The following FBXO15 variants were observed in gnomAD, a reference collection of about 807,000 sequenced individuals.
FBXO15 encodes the protein F-box protein 15.
A neutral mutation model predicts 49.5 loss-of-function variants in FBXO15; 30 were observed. That is an observed-to-expected ratio of 0.61 (90% CI 0.45 to 0.82). FBXO15 has a LOEUF of 0.82. FBXO15 is among the 40% of genes least tolerant of loss of function. The probability of loss-of-function intolerance (pLI) is 0.00; values close to 1 mark genes in which losing one functional copy is unlikely to be tolerated. For synonymous variants in FBXO15, 250 were observed against 232.7 expected (o/e 1.07, Z -0.68); for missense variants, 591 against 631.5 (o/e 0.94, Z 0.69).
chr18:74,101,533 T>C (rs761209067), intron 8 of FBXO15, among the ~76,000 whole-genome samples: 1 of 152,120 alleles, frequency 6.6e-6, no homozygotes, highest in Non-Finnish European at 1.5e-5. Flanking sequence ...AAAATGACCA[T>C]ATTGCCAAAA....
chr18:74,141,674 C>T (rs563045746), intron 1 of FBXO15, among the ~76,000 whole-genome samples: 7 of 152,324 alleles, frequency 4.6e-5, no homozygotes, highest in Admixed American at 1.3e-4. Flanking sequence ...CCACACACAA[C>T]TGGTCTTAAC....
chr18:74,084,148 A>T (rs901447433), intron 8 of FBXO15, among the ~76,000 whole-genome samples: 20 of 152,230 alleles, frequency 1.3e-4, no homozygotes, highest in African/African-American at 4.8e-4. Flanking sequence ...GCAGATTCAG[A>T]TTCTCATGTT....
chr18:74,118,213 G>A (rs1231437945), intron 8 of FBXO15, among the ~76,000 whole-genome samples: 1 of 151,832 alleles, frequency 6.6e-6, no homozygotes, highest in African/African-American at 2.4e-5. Context: ...TGCCCAGGCT[G>A]GTCTGGAACT....
Position 74,085,609 on chromosome 18 carries a change from G to T in FBXO15, c.1139-3558C>A, listed in dbSNP as rs1912703958. Among the ~76,000 whole-genome samples the T allele has an allele frequency of 3.3e-5, 5 of 152,238 alleles. No individual in the cohort carries two copies. The South Asian group carries it at 1.0e-3, about 32-fold the overall frequency. On this transcript the variant is annotated intron_variant, in intron 8 of 9. Transcript: ENST00000419743. ...CTCCGTCTCAAAACAACAAAAAAAA[G>T]ACACACAGATCAATAAAATGGAATA...
chr18:74,125,208 G>A (rs1001939126), intron 6 of FBXO15, among the ~76,000 whole-genome samples: 1 of 152,188 alleles, frequency 6.6e-6, no homozygotes, highest in Non-Finnish European at 1.5e-5. Context: ...TCACAACTCT[G>A]CAACCAACAA....
intron 8 of FBXO15, among the ~76,000 whole-genome samples, chr18:74,101,363 T>A (rs1019363236): frequency 2.6e-5 from 4 of 152,090 alleles, no homozygotes; most frequent in Non-Finnish European, 5.9e-5. Flanking sequence ...AGCATGGCTT[T>A]ATGATTAGAG....
chr18:74,130,802 G>T, intron 3 of FBXO15, 144 bp from the exon 4 acceptor site: 2 of 880,044 alleles, frequency 2.3e-6, no homozygotes, highest in Non-Finnish European at 1.7e-6. Flanking sequence ...ACGTTCATCT[G>T]TTAAAGTGAA....
intron 8 of FBXO15, among the ~76,000 whole-genome samples, chr18:74,095,772 C>T (rs1172207380): frequency 6.6e-6 from 1 of 152,176 alleles, no homozygotes; most frequent in Non-Finnish European, 1.5e-5. Context: ...GTGCCACAAA[C>T]TTTGAAGCTG....
intron 8 of FBXO15, among the ~76,000 whole-genome samples, chr18:74,109,473 T>A (rs558112515): frequency 6.6e-6 from 1 of 152,286 alleles, no homozygotes; most frequent in Non-Finnish European, 1.5e-5. Context: ...GCAATCCCAT[T>A]ACTGGGTATA....
intron 8 of FBXO15, among the ~76,000 whole-genome samples, chr18:74,090,649 A>G (rs1392859971): frequency 6.6e-6 from 1 of 152,160 alleles, no homozygotes; most frequent in Non-Finnish European, 1.5e-5. Flanking sequence ...TTCTGCCTCA[A>G]TCATTTCCCA....
chr18:74,135,915 T>A (rs1437349728), intron 2 of FBXO15, 49 bp from the exon 3 acceptor site: 1 of 1,470,614 alleles, frequency 6.8e-7, no homozygotes, highest in Admixed American at 1.9e-5. Context: ...GGACCAGGGC[T>A]TAATCTGCAG....
intron 2 of FBXO15, among the ~76,000 whole-genome samples, chr18:74,139,727 T>C (rs1262195963): frequency 6.6e-6 from 1 of 152,212 alleles, no homozygotes; most frequent in Non-Finnish European, 1.5e-5. Flanking sequence ...ACAGTACAAA[T>C]CTATGGACTT....
rs1438282903 is a variant in FBXO15, at chr18:74,073,489, AT to A, written c.1504del (p.Ile502SerfsTer20). The A allele has an allele frequency of 1.3e-5, 21 of 1,614,002 alleles. No homozygotes were observed. The highest frequency in any genetic ancestry group is 1.7e-5 in the Non-Finnish European group (20 of 1,180,016). ...ATATTCAGTCCCAAACCAATGGTTG[AT>A]TTTTGCGATACTAAGATAAAGGACC... ...NLVLYLSIAK[I>X]NHWFGTEY is the part of the protein sequence containing the mutation. On this transcript the variant is annotated frameshift_variant, in exon 10 of 10. Coordinates refer to ENST00000419743, the MANE Select transcript of FBXO15 (RefSeq NM_001142958.2). LOFTEE classifies it high-confidence loss of function.
chr18:74,091,248 G>A (rs1158129928), intron 8 of FBXO15, among the ~76,000 whole-genome samples: 1 of 152,102 alleles, frequency 6.6e-6, no homozygotes, highest in Non-Finnish European at 1.5e-5. Context: ...TTGCTTGGTA[G>A]ATTTTTCTCA....
intron 8 of FBXO15, among the ~76,000 whole-genome samples, chr18:74,094,106 C>T (rs1325253589): frequency 6.6e-6 from 1 of 152,180 alleles, no homozygotes; most frequent in Admixed American, 6.5e-5. Context: ...TCTTGCATGA[C>T]TAGATGTATT....
At chr18:74,079,744 T>C (rs1375046608) in intron 9 of FBXO15, among the ~76,000 whole-genome samples, 1 of 152,178 alleles carries the variant, frequency 6.6e-6, no homozygotes, top group Non-Finnish European at 1.5e-5. Context: ...TCCACCTGAA[T>C]TACCTCCACA....
intron 9 of FBXO15, among the ~76,000 whole-genome samples, chr18:74,081,051 A>G (rs1044941627): frequency 2.0e-5 from 3 of 152,248 alleles, no homozygotes; most frequent in African/African-American, 7.2e-5. Flanking sequence ...GGTGTGTGAT[A>G]AACATCATTT....
intron 9 of FBXO15, among the ~76,000 whole-genome samples, chr18:74,080,934 T>C (rs1912466366): frequency 6.6e-6 from 1 of 152,236 alleles, no homozygotes; most frequent in South Asian, 2.1e-4. Context: ...AAGGTCTATT[T>C]TGACGTGAAT....
intron 1 of FBXO15, among the ~76,000 whole-genome samples, chr18:74,142,070 G>A (rs1979111075): frequency 6.6e-6 from 1 of 151,924 alleles, no homozygotes; most frequent in Non-Finnish European, 1.5e-5. Context: ...AATGCACCGA[G>A]GAAAAAAAAA....
Sources: allele counts gnomAD v4.1 joint callset (sites outside exome capture counted in the v4.1 genomes callset), GRCh38; gene constraint gnomAD v4.1.1; transcripts MANE v1.5; gene names NCBI Gene and HGNC (gene_info 2026-07-23, HGNC 2026-07-21).